CAMK2B: variants seen among roughly 807,000 people sequenced by gnomAD.
CAMK2B encodes calcium/calmodulin dependent protein kinase II beta.
CAMK2B carries 27 observed loss-of-function variants against 93.7 expected under a neutral mutation model. That is an observed-to-expected ratio of 0.29 (90% CI 0.21 to 0.40). CAMK2B has a LOEUF of 0.40. Ranked by LOEUF, CAMK2B falls within the 10% of genes least tolerant of loss-of-function variation. The pLI is 1.00. For missense variants in CAMK2B, 568 were observed against 895.8 expected (o/e 0.63, Z 4.67); for synonymous variants, 374 against 358.8 (o/e 1.04, Z -0.48).
At chr7:44,293,713 C>G (rs1489575744) in intron 1 of CAMK2B, among the ~76,000 whole-genome samples, 4 of 152,218 alleles carry the variant, frequency 2.6e-5, no homozygotes, top group Non-Finnish European at 5.9e-5. Context: ...CTATGAGAAT[C>G]TGACACCTCC....
chr7:44,224,531 C>T lies in CAMK2B; in HGVS notation c.1597+1985G>A, dbSNP rs1316433276. ...AAGTCAGGCCTTCCAGGTGCCCTGACATGAACAGGAGCCTTTGCATTGCCT... is the reference window on the plus strand; with the variant it reads ...AAGTCAGGCCTTCCAGGTGCCCTGATATGAACAGGAGCCTTTGCATTGCCT... On this transcript the variant is annotated intron_variant, in intron 20 of 23. Coordinates refer to ENST00000395749, the MANE Select transcript of CAMK2B (RefSeq NM_001220.5). This position sits in a 1 kb window ranked among gnomAD's most constrained non-coding sequence, Gnocchi z 4.4. Among the ~76,000 whole-genome samples, 2 of 152,144 alleles carry T rather than the reference C, an allele frequency of 1.3e-5. No homozygotes were observed. Among genetic ancestry groups the T allele is most frequent in the Non-Finnish European group, 2.9e-5 (2 of 68,016 alleles).
chr7:44,260,391 G>C (rs1225900149), intron 3 of CAMK2B, among the ~76,000 whole-genome samples: 1 of 151,988 alleles, frequency 6.6e-6, no homozygotes, highest in African/African-American at 2.4e-5. Flanking sequence ...CCATACCAAT[G>C]GCCCTCCTTA....
chr7:44,267,928 G>A (rs924758921), intron 2 of CAMK2B: 1 of 152,260 alleles, frequency 6.6e-6, no homozygotes, highest in East Asian at 1.9e-4. Context: ...AGCTTTTCTA[G>A]GTGATTTGGC....
At position 44,263,467 on chromosome 7, in the gene CAMK2B, G is replaced by T. The variant is rs1252903326; in HGVS notation, c.161-403C>A. On this transcript the variant is annotated intron_variant, in intron 2 of 23. Coordinates refer to ENST00000395749, the MANE Select transcript of CAMK2B (RefSeq NM_001220.5). ...GGGGCTGTCAGAATGGGGCCGGGAG[G>T]GGGTTGAGGGTGTGCCCCAGAGCCC... Among the ~76,000 whole-genome samples, 3 of 152,316 alleles carry T rather than the reference G, an allele frequency of 2.0e-5. No homozygotes were observed. In the East Asian group the frequency reaches 5.8e-4, roughly 29 times the overall value.
At chr7:44,232,697 C>A (rs551225498) in intron 16 of CAMK2B, 125 bp downstream of exon 16, 20 of 790,410 alleles carry the variant, frequency 2.5e-5, no homozygotes, top group Non-Finnish European at 3.9e-5. Flanking sequence ...TACCGTACTG[C>A]GGGGAGGGGC....
At chr7:44,246,005 G>A (rs1279133353) in intron 6 of CAMK2B, among the ~76,000 whole-genome samples, 1 of 152,078 alleles carries the variant, frequency 6.6e-6, no homozygotes, top group Non-Finnish European at 1.5e-5. Flanking sequence ...AGAGGAAGGA[G>A]CAGAGAGACA....
Position 44,312,648 on chromosome 7 carries a change from G to A in CAMK2B, c.65+12709C>T, listed in dbSNP as rs1793857995. ...AAAGAGGGAGGAAAAGTGGAAACAT[G>A]AAGTGAGAAAAAGAGAGGGAGAGAA... On this transcript the variant is annotated intron_variant, in intron 1 of 23. Transcript: ENST00000395749. This position sits in a 1 kb window ranked among gnomAD's most constrained non-coding sequence, Gnocchi z 4.1. Among the ~76,000 whole-genome samples, 1 of 152,164 alleles carries A rather than the reference G, an allele frequency of 6.6e-6. No homozygotes were observed. Among genetic ancestry groups the A allele is most frequent in the Non-Finnish European group, 1.5e-5 (1 of 68,014 alleles).
At chr7:44,314,523 C>T (rs1328779519) in intron 1 of CAMK2B, among the ~76,000 whole-genome samples, 1 of 152,208 alleles carries the variant, frequency 6.6e-6, no homozygotes, top group Non-Finnish European at 1.5e-5. Context: ...TTTTCTCACG[C>T]ATTCAATCAG....
intron 1 of CAMK2B, among the ~76,000 whole-genome samples, chr7:44,298,695 C>A (rs1377557107): frequency 6.6e-6 from 1 of 151,984 alleles, no homozygotes; most frequent in Non-Finnish European, 1.5e-5. Flanking sequence ...ACAAACAAGC[C>A]AATTCAAAAA....
intron 1 of CAMK2B, among the ~76,000 whole-genome samples, chr7:44,293,891 C>G (rs1787552452): frequency 6.6e-6 from 1 of 152,186 alleles, no homozygotes; most frequent in Non-Finnish European, 1.5e-5. Flanking sequence ...TTCTGTGACA[C>G]CGTGTTCAAT....
In CAMK2B at chr7:44,245,613, C is replaced by T. The variant is rs141861487; in HGVS notation, c.414+1507G>A. On this transcript the variant is annotated intron_variant, in intron 6 of 23. Transcript: ENST00000395749. ...TGGCCCCGAGGGGAGCACCTGGGGG[C>T]CCCCTCCTCCCAGAGGCGCCTGAGT... Among the ~76,000 whole-genome samples the T allele has an allele frequency of 6.2e-3, 947 of 152,286 alleles. 12 individuals carry two copies. Among genetic ancestry groups the T allele is most frequent in the African/African-American group, 0.022 (905 of 41,550 alleles).
intron 21 of CAMK2B, 30 bp downstream of exon 21, chr7:44,220,796 C>A (rs369909402): frequency 6.4e-7 from 1 of 1,559,152 alleles, no homozygotes; most frequent in East Asian, 2.4e-5. Flanking sequence ...CCTTGTCCTG[C>A]ACAGCCCCCC....
chr7:44,319,401 T>C lies in CAMK2B; in HGVS notation c.65+5956A>G, dbSNP rs1423369784. Among the ~76,000 whole-genome samples, 3 of 152,102 alleles carry C rather than the reference T, an allele frequency of 2.0e-5. No homozygotes were observed. The South Asian group carries it at 6.2e-4, about 32-fold the overall frequency. On this transcript the variant is annotated intron_variant, in intron 1 of 23. Coordinates refer to ENST00000395749, the MANE Select transcript of CAMK2B (RefSeq NM_001220.5). ...TCTTTAAAGGCCAATGGAGCAAAAATGAGGGAAACATCCCTGTTAGAATTT... is the reference window on the plus strand; with the variant it reads ...TCTTTAAAGGCCAATGGAGCAAAAACGAGGGAAACATCCCTGTTAGAATTT...
At position 44,218,491 on chromosome 7, in the gene CAMK2B, C is replaced by T. The variant is rs879051091; in HGVS notation, c.*1034G>A. 5 of 152,310 alleles carry T rather than the reference C, an allele frequency of 3.3e-5. No homozygotes were observed. The highest frequency in any genetic ancestry group is 5.9e-5 in the Non-Finnish European group (4 of 68,078). The allele number at this position is 152,310 out of a possible 1,614,324, so 9.4% of individuals were successfully genotyped here. A position where few individuals can be genotyped will look rare whatever the true frequency, so the allele number is the denominator to read the frequency against. On this transcript the variant is annotated 3_prime_UTR_variant, in exon 24 of 24. Coordinates refer to ENST00000395749, the MANE Select transcript of CAMK2B (RefSeq NM_001220.5). ...GTCCTTTGTCAAAAGTCTGCTCCCC[C>T]TTGCGGGCTGCAGAGAAGCCGAACA...
chr7:44,232,650 C>G (rs1215081767), intron 16 of CAMK2B, among the ~76,000 whole-genome samples, 172 bp downstream of exon 16: 1 of 152,220 alleles, frequency 6.6e-6, no homozygotes, highest in Non-Finnish European at 1.5e-5. Context: ...CTGAGCCAGT[C>G]TGTCCTGTTG....
intron 17 of CAMK2B, chr7:44,230,487 A>C (rs1413595294): frequency 6.5e-6 from 1 of 154,324 alleles, no homozygotes; most frequent in African/African-American, 2.4e-5. Flanking sequence ...CCTCTTGGGG[A>C]ACACACAAGA....
chr7:44,236,948 G>C (rs2096631719), intron 13 of CAMK2B, among the ~76,000 whole-genome samples: 2 of 152,220 alleles, frequency 1.3e-5, no homozygotes, highest in Admixed American at 6.5e-5. Context: ...GAACAGGCAA[G>C]GAAGGGACCC....
At chr7:44,306,941 AG>A (rs1791842052) in intron 1 of CAMK2B, among the ~76,000 whole-genome samples, 1 of 74,382 alleles carries the variant, frequency 1.3e-5, no homozygotes, top group Non-Finnish European at 2.6e-5. Context: ...CAGGAAGAGA[AG>A]GGGGTGAGTA....
chr7:44,261,061 C>A (rs186742062), intron 3 of CAMK2B, among the ~76,000 whole-genome samples: 65 of 152,340 alleles, frequency 4.3e-4, no homozygotes, highest in African/African-American at 1.6e-3. Context: ...AGCAAGGATG[C>A]CCTCTCACTA....
Sources: allele counts gnomAD v4.1 joint callset (sites outside exome capture counted in the v4.1 genomes callset), GRCh38; gene constraint gnomAD v4.1.1; non-coding constraint Gnocchi (gnomAD v3.1); transcripts MANE v1.5; gene names NCBI Gene and HGNC (gene_info 2026-07-23, HGNC 2026-07-21).